SPOCK3: variants seen among roughly 807,000 people sequenced by gnomAD.
The protein encoded by SPOCK3 is SPARC (osteonectin), cwcv and kazal like domains proteoglycan 3, also known as testican-3.
A neutral mutation model predicts 56.6 loss-of-function variants in SPOCK3; 30 were observed. That is an observed-to-expected ratio of 0.53 (90% CI 0.40 to 0.72). The LOEUF (loss-of-function observed/expected upper bound fraction) is 0.72. Ranked by LOEUF, SPOCK3 falls within the 30% of genes least tolerant of loss-of-function variation. The probability of loss-of-function intolerance (pLI) is 0.00; values close to 1 mark genes in which losing one functional copy is unlikely to be tolerated. For missense variants in SPOCK3, 527 were observed against 530.0 expected (o/e 0.99, Z 0.06); for synonymous variants, 196 against 183.3 (o/e 1.07, Z -0.56).
Position 167,083,315 on chromosome 4 carries a change from G to A in SPOCK3, c.190-20778C>T, listed in dbSNP as rs2150294334. ...TGTCAGGTTGTCATCTGCTCCTACT[G>A]AGATGCCCCACAGTTCCCCACCATG... On this transcript the variant is annotated intron_variant, in intron 2 of 10. Transcript: ENST00000357545. 3.9e-6 allele frequency: 3 copies of A among 764,528 alleles called. No homozygotes were observed. The South Asian group carries it at 4.0e-5, about 10-fold the overall frequency. 47.4% of individuals were successfully genotyped at this position (764,528 alleles called of 1,614,324 possible). A position where few individuals can be genotyped will look rare whatever the true frequency, so the allele number is the denominator to read the frequency against.
At chr4:166,890,377 C>A (rs1734646715) in intron 5 of SPOCK3, among the ~76,000 whole-genome samples, 1 of 151,836 alleles carries the variant, frequency 6.6e-6, no homozygotes, top group Non-Finnish European at 1.5e-5. Context: ...GATAATGATA[C>A]CTAATTTCCA....
At chr4:167,213,477 A>G (rs567058120) in intron 2 of SPOCK3, among the ~76,000 whole-genome samples, 11 of 152,290 alleles carry the variant, frequency 7.2e-5, no homozygotes, top group African/African-American at 2.2e-4. Context: ...AACTCTCCCC[A>G]TAAGTGAGAA....
chr4:166,804,943 A>G (rs1742998184), intron 6 of SPOCK3, among the ~76,000 whole-genome samples: 1 of 149,776 alleles, frequency 6.7e-6, no homozygotes, highest in South Asian at 2.1e-4. Flanking sequence ...AAAATGCCAG[A>G]GCTGAAAATA....
At chr4:167,216,084 G>A (rs1286369127) in intron 2 of SPOCK3, among the ~76,000 whole-genome samples, 1 of 152,072 alleles carries the variant, frequency 6.6e-6, no homozygotes, top group East Asian at 1.9e-4. Flanking sequence ...ATTTTTCTGT[G>A]TCTCACTTCA....
chr4:166,914,545 C>G (rs186209507), intron 4 of SPOCK3, among the ~76,000 whole-genome samples: 1 of 152,074 alleles, frequency 6.6e-6, no homozygotes, highest in East Asian at 1.9e-4. Context: ...CCGAGACAGG[C>G]GGATCACCTG....
At chr4:166,927,851 C>T (rs1156396435) in intron 4 of SPOCK3, among the ~76,000 whole-genome samples, 2 of 151,254 alleles carry the variant, frequency 1.3e-5, no homozygotes, top group East Asian at 3.9e-4. Flanking sequence ...GTCTGTTATT[C>T]AAAATATGAA....
chr4:166,976,276 T>C (rs192409357), intron 4 of SPOCK3, among the ~76,000 whole-genome samples: 4 of 152,312 alleles, frequency 2.6e-5, no homozygotes, highest in Admixed American at 1.3e-4. Flanking sequence ...CGCTACTGGC[T>C]CTTCAATGTA....
chr4:166,867,929 T>C (rs1296644538), intron 6 of SPOCK3, among the ~76,000 whole-genome samples: 5 of 151,962 alleles, frequency 3.3e-5, no homozygotes. Context: ...ATTACTTTTA[T>C]ATGTATATAG....
intron 2 of SPOCK3, among the ~76,000 whole-genome samples, chr4:167,078,302 A>T (rs1014689049): frequency 7.4e-6 from 1 of 136,016 alleles, no homozygotes; most frequent in Admixed American, 7.6e-5. Flanking sequence ...TATCCAGGTC[A>T]TAACTCTGTG....
intron 4 of SPOCK3, among the ~76,000 whole-genome samples, chr4:166,920,398 A>G (rs1474710345): frequency 6.6e-6 from 1 of 152,196 alleles, no homozygotes; most frequent in Non-Finnish European, 1.5e-5. Context: ...ATTCTGAATT[A>G]GTAAAAGGAT....
At chr4:166,835,537 C>T (rs1289516732) in intron 6 of SPOCK3, among the ~76,000 whole-genome samples, 1 of 152,134 alleles carries the variant, frequency 6.6e-6, no homozygotes, top group Non-Finnish European at 1.5e-5. Flanking sequence ...GAAACCTTCA[C>T]TATTCCTCTT....
intron 2 of SPOCK3, among the ~76,000 whole-genome samples, chr4:167,176,136 T>A (rs1197475694): frequency 2.6e-5 from 4 of 152,120 alleles, no homozygotes; most frequent in Non-Finnish European, 5.9e-5. Context: ...CTTAATCTCT[T>A]TATCTGACTC....
chr4:167,124,178 G>C (rs1433527468), intron 2 of SPOCK3, among the ~76,000 whole-genome samples: 2 of 152,108 alleles, frequency 1.3e-5, no homozygotes, highest in African/African-American at 4.8e-5. Context: ...ATGGCCCAAG[G>C]CTACAGACTA....
intron 6 of SPOCK3, among the ~76,000 whole-genome samples, chr4:166,826,560 A>C (rs1480621683): frequency 6.6e-6 from 1 of 152,122 alleles, no homozygotes; most frequent in Non-Finnish European, 1.5e-5. Flanking sequence ...ATTTTTGTGG[A>C]GAACTCTCCA....
chr4:166,901,694 C>T (rs1579588958), intron 5 of SPOCK3, among the ~76,000 whole-genome samples: 1 of 151,922 alleles, frequency 6.6e-6, no homozygotes, highest in Admixed American at 6.6e-5. Context: ...GTAGAAAGCC[C>T]AAGACAAACA....
At chr4:166,744,758 C>T (rs1021047597) in intron 8 of SPOCK3, among the ~76,000 whole-genome samples, 3 of 152,062 alleles carry the variant, frequency 2.0e-5, no homozygotes, top group Non-Finnish European at 1.5e-5. Flanking sequence ...AGACAAATGG[C>T]TAACAGGAAT....
At chr4:166,949,325 C>T (rs1420465273) in intron 4 of SPOCK3, among the ~76,000 whole-genome samples, 1 of 152,144 alleles carries the variant, frequency 6.6e-6, no homozygotes, top group Non-Finnish European at 1.5e-5. Flanking sequence ...CGTCTGAAGC[C>T]TTCTTCTCTC....
intron 3 of SPOCK3, among the ~76,000 whole-genome samples, chr4:167,043,808 T>C (rs986203703): frequency 6.6e-6 from 1 of 152,006 alleles, no homozygotes; most frequent in Admixed American, 6.6e-5. Flanking sequence ...AGTGCATTAA[T>C]CTTATAATAC....
intron 2 of SPOCK3, among the ~76,000 whole-genome samples, chr4:167,074,344 T>C (rs1394707652): frequency 6.6e-6 from 1 of 151,994 alleles, no homozygotes; most frequent in Non-Finnish European, 1.5e-5. Context: ...CCTGCAACTC[T>C]TCCACGTGGC....
Sources: gnomAD v4.1 joint callset for allele counts (sites outside exome capture counted in the v4.1 genomes callset) on GRCh38, gnomAD v4.1.1 for gene constraint, MANE v1.5 for transcripts, NCBI Gene and HGNC (gene_info 2026-07-23, HGNC 2026-07-21) for gene names.